DNAJC25: variants seen among roughly 807,000 people sequenced by gnomAD.
DNAJC25 encodes the protein DnaJ heat shock protein family (Hsp40) member C25, also known as dnaJ homolog subfamily C member 25.
A neutral mutation model predicts 42.1 loss-of-function variants in DNAJC25; 26 were observed. The ratio of observed to expected loss-of-function variants is 0.62; its 90% confidence interval spans 0.45 to 0.86. DNAJC25 has a LOEUF of 0.86. Among genes scored for constraint, DNAJC25 ranks in the 40% least tolerant of loss-of-function variants. The probability of loss-of-function intolerance (pLI) is 0.00; values close to 1 mark genes in which losing one functional copy is unlikely to be tolerated. For missense variants in DNAJC25, 404 were observed against 459.4 expected, an observed-to-expected ratio of 0.88 and a Z score of 1.10; for synonymous variants, 189 against 179.9, an observed-to-expected ratio of 1.05 and a Z score of -0.40.
At chr9:111,641,089 C>T (rs1324940328) in intron 1 of DNAJC25, among the ~76,000 whole-genome samples, 1 of 95,250 alleles carries the variant, frequency 1.0e-5, no homozygotes, top group Non-Finnish European at 2.0e-5. Context: ...AGTGAGGAGC[C>T]CCTCAGCCTG....
At chr9:111,633,382 G>T (rs1830316729) in intron 1 of DNAJC25, among the ~76,000 whole-genome samples, 2 of 152,192 alleles carry the variant, frequency 1.3e-5, no homozygotes, top group Non-Finnish European at 2.9e-5. Flanking sequence ...TTAGGTTAAA[G>T]ATAGTGATAT....
Position 111,649,440 on chromosome 9 carries a change from T to C in DNAJC25, c.490-13T>C. On this transcript the variant is annotated splice_polypyrimidine_tract_variant and intron_variant, in intron 2 of 3. Transcript: ENST00000313525. ...AATGAAAATGACTCATTGTTCTCTG[T>C]TAATTATTCTAGTTTTTCAGCTGGT... The C allele has an allele frequency of 1.3e-6, 2 of 1,557,622 alleles. No homozygotes were observed. The highest frequency in any genetic ancestry group is 8.6e-7 in the Non-Finnish European group (1 of 1,157,926).
At chr9:111,648,798 A>G (rs2131268834) in intron 2 of DNAJC25, among the ~76,000 whole-genome samples, 1 of 152,342 alleles carries the variant, frequency 6.6e-6, no homozygotes, top group East Asian at 1.9e-4. Flanking sequence ...TCAGTTAATC[A>G]GGAGCTGAAA....
In DNAJC25 at chr9:111,637,790, A is replaced by G. The variant is rs142320237; in HGVS notation, c.336+6047A>G. Among the ~76,000 whole-genome samples, 789 of 152,188 alleles carry G rather than the reference A, an allele frequency of 5.2e-3. 14 individuals carry two copies. The highest frequency in any genetic ancestry group is 0.034 in the Admixed American group (526 of 15,292). On this transcript the variant is annotated intron_variant, in intron 1 of 3. Coordinates refer to ENST00000313525, the MANE Select transcript of DNAJC25 (RefSeq NM_001015882.3). ...AACTTTGTGTCATGTGATATTGCTG[A>G]CCATTTCGTTCTTTAAGGTGTTCTT...
intron 3 of DNAJC25, among the ~76,000 whole-genome samples, chr9:111,651,869 C>G (rs1158415515): frequency 6.7e-6 from 1 of 148,556 alleles, no homozygotes; most frequent in Non-Finnish European, 1.5e-5. Context: ...AAAAAAGTTG[C>G]ATAAATGCAG....
At chr9:111,635,542 T>C (rs1444080950) in intron 1 of DNAJC25, among the ~76,000 whole-genome samples, 8 of 152,202 alleles carry the variant, frequency 5.3e-5, no homozygotes, top group Non-Finnish European at 1.0e-4. Context: ...ATGATAATTT[T>C]TGAATGTAGA....
At chr9:111,635,207 A>G (rs2131255401) in intron 1 of DNAJC25, among the ~76,000 whole-genome samples, 1 of 152,376 alleles carries the variant, frequency 6.6e-6, no homozygotes, top group East Asian at 1.9e-4. Context: ...GCATTTAAGT[A>G]CTGAGTAGGT....
intron 3 of DNAJC25, among the ~76,000 whole-genome samples, chr9:111,652,296 G>A (rs1344355609): frequency 1.3e-5 from 2 of 151,654 alleles, no homozygotes; most frequent in African/African-American, 4.8e-5. Context: ...GATCACTTGA[G>A]GCCAGGAGTT....
chr9:111,652,629 C>T (rs1322720068), intron 3 of DNAJC25, among the ~76,000 whole-genome samples: 1 of 151,648 alleles, frequency 6.6e-6, no homozygotes, highest in Non-Finnish European at 1.5e-5. Context: ...GCAACCTCCG[C>T]CTCCCAGGTT....
chr9:111,645,764 G>C (rs377465573), intron 1 of DNAJC25, among the ~76,000 whole-genome samples: 11 of 151,852 alleles, frequency 7.2e-5, no homozygotes, highest in African/African-American at 2.2e-4. Context: ...GTTAATAAAT[G>C]TTGAATAATT....
intron 3 of DNAJC25, among the ~76,000 whole-genome samples, chr9:111,651,328 A>T (rs1376327560): frequency 6.6e-6 from 1 of 152,014 alleles, no homozygotes; most frequent in Admixed American, 6.6e-5. Context: ...TTAGCTCCTA[A>T]ACTATTTGAA....
In DNAJC25 at chr9:111,650,042, A is replaced by G. The variant is rs1303612857; in HGVS notation, c.960+119A>G. Reference sequence around the variant, plus strand: ...ATTTCTGAAATCCTAGAGTTAAACAATTAGTAAAGACCTTTTATTGAAAGT... The same window carrying G: ...ATTTCTGAAATCCTAGAGTTAAACAGTTAGTAAAGACCTTTTATTGAAAGT... On this transcript the variant is annotated intron_variant, in intron 3 of 3. Coordinates refer to ENST00000313525, the MANE Select transcript of DNAJC25 (RefSeq NM_001015882.3). The G allele has an allele frequency of 2.6e-5, 24 of 924,810 alleles. 1 individual carries two copies. Among genetic ancestry groups the G allele is most frequent in the Middle Eastern group, 3.5e-4 (1 of 2,850 alleles). 57.3% of individuals were successfully genotyped at this position (924,810 alleles called of 1,614,324 possible).
intron 1 of DNAJC25, among the ~76,000 whole-genome samples, chr9:111,639,922 CTCTCCCTCTCCGTCTCCG>C (rs1195416299): frequency 2.3e-5 from 3 of 132,892 alleles, no homozygotes; most frequent in South Asian, 2.3e-4. Context: ...CTCCCTCTCC[CTCTCCCTCTCCGTCTCCG>C]TCTCCGTCTC....
chr9:111,647,031 A>T, intron 1 of DNAJC25, 76 bp from the exon 2 acceptor site: 19 of 1,403,630 alleles, frequency 1.4e-5, no homozygotes, highest in Non-Finnish European at 1.8e-5. Context: ...AAAATTCTAT[A>T]TGTGATTTAA....
intron 1 of DNAJC25, among the ~76,000 whole-genome samples, chr9:111,631,982 T>C (rs1830290216): frequency 6.6e-6 from 1 of 152,392 alleles, no homozygotes; most frequent in South Asian, 2.1e-4. Flanking sequence ...GACATTGTTA[T>C]GCAAAACTTT....
chr9:111,649,069 A>G (rs971078573), intron 2 of DNAJC25, among the ~76,000 whole-genome samples: 11 of 152,188 alleles, frequency 7.2e-5, no homozygotes, highest in African/African-American at 2.7e-4. Context: ...TTTGCCATTT[A>G]ACTCTTTCTC....
chr9:111,645,091 G>T (rs774078372), intron 1 of DNAJC25, among the ~76,000 whole-genome samples: 1 of 152,172 alleles, frequency 6.6e-6, no homozygotes, highest in African/African-American at 2.4e-5. Context: ...ACACCTCGTT[G>T]TATAACTGAG....
intron 2 of DNAJC25, 71 bp downstream of exon 2, chr9:111,647,330 A>G (rs1830582037): frequency 6.6e-7 from 1 of 1,522,448 alleles, no homozygotes; most frequent in South Asian, 1.3e-5. Flanking sequence ...CTAGTCATTA[A>G]AACCTAACTG....
chr9:111,643,632 T>C (rs2131264869), intron 1 of DNAJC25, among the ~76,000 whole-genome samples: 1 of 151,966 alleles, frequency 6.6e-6, no homozygotes, highest in Non-Finnish European at 1.5e-5. Context: ...GAGGGGAAAC[T>C]GATAAGGGAT....
Sources: gnomAD v4.1 joint callset for allele counts (sites outside exome capture counted in the v4.1 genomes callset) on GRCh38, gnomAD v4.1.1 for gene constraint, MANE v1.5 for transcripts, NCBI Gene and HGNC (gene_info 2026-07-23, HGNC 2026-07-21) for gene names.